The following CNTNAP3 variants were observed in gnomAD, a reference collection of about 807,000 sequenced individuals.
The protein encoded by CNTNAP3 is contactin associated protein family member 3.
Under a neutral mutation model 92.1 loss-of-function variants are expected in CNTNAP3, and 36 were observed. The ratio of observed to expected loss-of-function variants is 0.39; its 90% CI spans 0.30 to 0.52. The LOEUF (loss-of-function observed/expected upper bound fraction) is 0.52. CNTNAP3 is among the 20% of genes least tolerant of loss of function. The probability of loss-of-function intolerance (pLI) is 0.76; values close to 1 mark genes in which losing one functional copy is unlikely to be tolerated. For missense variants in CNTNAP3, 534 were observed against 1,069.6 expected, an observed-to-expected ratio of 0.50 and a Z score of 6.98; for synonymous variants, 232 against 422.3, an observed-to-expected ratio of 0.55 and a Z score of 5.53.
chr9:39,111,039 T>TA (rs957407920), intron 14 of CNTNAP3, among the ~76,000 whole-genome samples: 4 of 152,164 alleles, frequency 2.6e-5, no homozygotes, highest in East Asian at 1.9e-4. Context: ...CTTTCTGAAT[T>TA]AAAAAAAATT....
At position 39,066,156 on chromosome 9, in the gene CNTNAP3, T is replaced by C. The variant is rs1242248428; in HGVS notation, c.*7734A>G. Among the ~76,000 whole-genome samples, 4 of 152,234 alleles carry C rather than the reference T, an allele frequency of 2.6e-5. No individual in the cohort carries two copies. Among genetic ancestry groups the C allele is most frequent in the African/African-American group, 9.6e-5 (4 of 41,460 alleles). On this transcript the variant is annotated 3_prime_UTR_variant, in exon 24 of 24. Coordinates refer to ENST00000297668, the MANE Select transcript of CNTNAP3 (RefSeq NM_033655.5). ...CTGTTTTTGTTACTCTAGCATTTGC[T>C]TTAGGGATTACACCATACAGATGTT...
chr9:39,112,208 C>G (rs953172615), intron 14 of CNTNAP3, among the ~76,000 whole-genome samples: 2 of 151,282 alleles, frequency 1.3e-5, no homozygotes, highest in Non-Finnish European at 2.9e-5. Flanking sequence ...TTAGAAATTC[C>G]TACGGTTCTG....
intron 12 of CNTNAP3, among the ~76,000 whole-genome samples, chr9:39,134,538 T>C (rs542943610): frequency 6.6e-6 from 1 of 152,080 alleles, no homozygotes; most frequent in South Asian, 2.1e-4. Context: ...AGTTCTCCTG[T>C]CTCAGCCTCC....
chr9:39,105,406 G>A (rs575363361), intron 15 of CNTNAP3, among the ~76,000 whole-genome samples: 18 of 152,284 alleles, frequency 1.2e-4, no homozygotes, highest in African/African-American at 2.9e-4. Flanking sequence ...CAGCCTGGGT[G>A]ACAGAGCAAC....
chr9:39,100,263 A>C (rs1287295775), intron 17 of CNTNAP3, 113 bp from the exon 18 acceptor site: 14 of 1,554,042 alleles, frequency 9.0e-6, no homozygotes, highest in Non-Finnish European at 1.2e-5. Flanking sequence ...AATGTGTCAA[A>C]AAATTTTGTG....
intron 13 of CNTNAP3, among the ~76,000 whole-genome samples, chr9:39,121,760 G>C (rs914599533): frequency 6.8e-6 from 1 of 147,180 alleles, no homozygotes; most frequent in Non-Finnish European, 1.5e-5. Context: ...TCAGAATAAA[G>C]ATAGGAAAAA....
chr9:39,093,017 G>GT (rs1826244096), intron 18 of CNTNAP3, among the ~76,000 whole-genome samples: 2 of 144,240 alleles, frequency 1.4e-5, no homozygotes, highest in African/African-American at 5.1e-5. Context: ...TCTGGTATTA[G>GT]TATAGTCCCT....
intron 23 of CNTNAP3, among the ~76,000 whole-genome samples, chr9:39,076,755 T>A (rs1825779713): frequency 2.0e-5 from 3 of 152,292 alleles, no homozygotes. Flanking sequence ...GATCATGAGG[T>A]CAGGAGATCG....
At chr9:39,109,717 G>C (rs1422522460) in intron 14 of CNTNAP3, among the ~76,000 whole-genome samples, 2 of 152,082 alleles carry the variant, frequency 1.3e-5, no homozygotes, top group Non-Finnish European at 2.9e-5. Context: ...TGCAAAAATA[G>C]ACTAGTGGTC....
chr9:39,111,083 G>C (rs920176153), intron 14 of CNTNAP3, among the ~76,000 whole-genome samples: 59 of 151,970 alleles, frequency 3.9e-4, no homozygotes, highest in Non-Finnish European at 7.6e-4. Context: ...ATATACTGGG[G>C]GCACATGTGC....
intron 10 of CNTNAP3, among the ~76,000 whole-genome samples, chr9:39,149,508 C>G (rs2118138326): frequency 7.1e-6 from 1 of 141,470 alleles, no homozygotes; most frequent in South Asian, 2.3e-4. Context: ...CGCCACCACG[C>G]CTGGCTAATT....
chr9:39,132,954 C>G lies in CNTNAP3; in HGVS notation c.2058G>C (p.Thr686=). The G allele has an allele frequency of 1.3e-6, 2 of 1,546,214 alleles. No homozygotes were observed. Among genetic ancestry groups the G allele is most frequent in the Non-Finnish European group, 1.7e-6 (2 of 1,156,272 alleles). ...TACCTCGTGAGTCCGGGCGCCGCGC[C>G]GTCCCGCAGCGCAGAGCCAGCCGCT... The part of the protein sequence containing the change: ...CEQRLALRCG[T]ARRPDSRDGT... The change falls in exon 13 of 24, where the codon ACG becomes ACC. Residue 686 remains threonine, a synonymous_variant. Coordinates refer to ENST00000297668, the MANE Select transcript of CNTNAP3 (RefSeq NM_033655.5).
rs992134990 is a variant in CNTNAP3, at chr9:39,159,678, G to A, written c.1477+6255C>T. The A allele has an allele frequency of 1.1e-4, 15 of 138,400 alleles. 2 individuals are homozygous for A. Among genetic ancestry groups the A allele is most frequent in the Admixed American group, 2.8e-4 (4 of 14,116 alleles). 8.6% of individuals were successfully genotyped at this position (138,400 alleles called of 1,614,324 possible). ...TAGATAGATAGATAGATAGATATATGTAATCTTTTTCAGTATATTCTCAGG... is the reference window on the plus strand; with the variant it reads ...TAGATAGATAGATAGATAGATATATATAATCTTTTTCAGTATATTCTCAGG... On this transcript the variant is annotated intron_variant, in intron 9 of 23. Transcript: ENST00000297668.
intron 3 of CNTNAP3, among the ~76,000 whole-genome samples, chr9:39,225,850 T>G (rs1055923740): frequency 4.8e-5 from 1 of 20,956 alleles, no homozygotes; most frequent in African/African-American, 6.7e-5. Flanking sequence ...AATAAAAACT[T>G]GCTCTATTAG....
intron 14 of CNTNAP3, among the ~76,000 whole-genome samples, chr9:39,113,973 T>TAC (rs963680915): frequency 2.1e-5 from 3 of 144,228 alleles, no homozygotes; most frequent in Non-Finnish European, 3.1e-5. Context: ...TCTCTATATA[T>TAC]ACACACACAC....
At chr9:39,122,679 CA>C (rs1350570987) in intron 13 of CNTNAP3, among the ~76,000 whole-genome samples, 1 of 152,182 alleles carries the variant, frequency 6.6e-6, no homozygotes. Flanking sequence ...TTTGCCAATA[CA>C]ACATGTCTGG....
chr9:39,132,978 C>T lies in CNTNAP3; in HGVS notation c.2034G>A (p.Gln678=). ...CCGTCCCGCAGCGCAGAGCCAGCCG[C>T]TGCTCGCAGCGCTCCGCCAGGTTCA... ...SAVNLAERCE[Q]RLALRCGTAR... is the part of the protein sequence containing the mutation. The change falls in exon 13 of 24, where the codon CAG becomes CAA. Residue 678 remains glutamine (Q), a synonymous_variant. Transcript: ENST00000297668. 6.5e-7 allele frequency: 1 copy of T among 1,543,488 alleles called. No homozygotes were observed. The highest frequency in any genetic ancestry group is 2.4e-5 in the East Asian group (1 of 41,548).
rs1231570088 is a variant in CNTNAP3 at position 39,099,969 on chromosome 9, G to T, written c.2937C>A (p.Arg979=). The change falls in exon 18 of 24, where the codon CGC becomes CGA. Residue 979 remains arginine (R), a synonymous_variant. Coordinates refer to ENST00000297668, the MANE Select transcript of CNTNAP3 (RefSeq NM_033655.5). ...AGGCACAGTCACAGGTGACCCCCCT[G>T]CGTTTCTCTCTGCATCTCCCTCCAT... ...CRNGGRCREK[R]RGVTCDCAFS... 1.2e-6 allele frequency: 2 copies of T among 1,607,138 alleles called. No individual in the cohort carries two copies. Among genetic ancestry groups the T allele is most frequent in the East Asian group, 2.2e-5 (1 of 44,722 alleles).
At chr9:39,137,166 G>A (rs1240128922) in intron 12 of CNTNAP3, among the ~76,000 whole-genome samples, 1 of 151,580 alleles carries the variant, frequency 6.6e-6, no homozygotes, top group East Asian at 1.9e-4. Context: ...TTATGTTCTG[G>A]GTTTTCTTTT....
Sources: gnomAD v4.1 joint callset for allele counts (sites outside exome capture counted in the v4.1 genomes callset) on GRCh38, gnomAD v4.1.1 for gene constraint, MANE v1.5 for transcripts, NCBI Gene and HGNC (gene_info 2026-07-23, HGNC 2026-07-21) for gene names.